Variants in DNAJC3 observed in about 807,000 individuals in gnomAD.
DNAJC3 encodes the protein DnaJ heat shock protein family (Hsp40) member C3.
In DNAJC3, 38 loss-of-function variants were observed where a neutral mutation model predicts 68.6. The observed-to-expected ratio is 0.55, with a 90% CI of 0.43 to 0.73. The LOEUF (loss-of-function observed/expected upper bound fraction) is 0.73, where lower values mean the gene tolerates loss of function less well. DNAJC3 is among the 30% of genes least tolerant of loss of function. The pLI, the probability that DNAJC3 is intolerant of heterozygous loss-of-function variation, is 0.00. For synonymous variants in DNAJC3, 203 were observed against 204.0 expected, an observed-to-expected ratio of 1.00 and a Z score of 0.04; for missense variants, 526 against 591.9, an observed-to-expected ratio of 0.89 and a Z score of 1.16.
chr13:95,728,987 G>A (rs1199467234), intron 4 of DNAJC3, among the ~76,000 whole-genome samples: 1 of 151,314 alleles, frequency 6.6e-6, no homozygotes, highest in Non-Finnish European at 1.5e-5. Flanking sequence ...TATCATGTCT[G>A]TCATCCTACT....
At chr13:95,735,010 C>T (rs1881857403) in intron 4 of DNAJC3, among the ~76,000 whole-genome samples, 2 of 145,702 alleles carry the variant, frequency 1.4e-5, no homozygotes, top group Admixed American at 6.9e-5. Context: ...GTGATATTCC[C>T]CTTTCTGTGT....
intron 1 of DNAJC3, among the ~76,000 whole-genome samples, chr13:95,702,070 G>T (rs767340736): frequency 6.6e-6 from 1 of 151,964 alleles, no homozygotes; most frequent in African/African-American, 2.4e-5. Flanking sequence ...AGTATACATG[G>T]CCCTAAATAC....
At chr13:95,725,086 A>C in intron 3 of DNAJC3, 92 bp from the exon 4 acceptor site, 3 of 783,098 alleles carry the variant, frequency 3.8e-6, no homozygotes, top group Non-Finnish European at 5.5e-6. Context: ...ATATTTATTA[A>C]TAATTTGTTT....
In DNAJC3 at chr13:95,690,634, C is replaced by T. The variant is rs1430557191; in HGVS notation, c.82+13297C>T. 2.7e-3 allele frequency among the ~76,000 whole-genome samples: 400 copies of T among 145,846 alleles called. 4 individuals are homozygous for T. The highest frequency in any genetic ancestry group is 0.01 in the African/African-American group (380 of 37,294). ...GGGGGGCTGACCCCCCCACCTCCCTCCCGGACGGGGCGGCTGGCCGGGCGG... is the reference window on the plus strand; with the variant it reads ...GGGGGGCTGACCCCCCCACCTCCCTTCCGGACGGGGCGGCTGGCCGGGCGG... On this transcript the variant is annotated intron_variant, in intron 1 of 11. Transcript: ENST00000602402.
At chr13:95,753,332 C>CT (rs1296055586) in intron 4 of DNAJC3, among the ~76,000 whole-genome samples, 6 of 151,490 alleles carry the variant, frequency 4.0e-5, no homozygotes, top group Admixed American at 6.6e-5. Context: ...TTTTCTTTTT[C>CT]TTTTTTTTGG....
chr13:95,789,286 T>A (rs1482176157), intron 11 of DNAJC3, among the ~76,000 whole-genome samples: 3 of 152,166 alleles, frequency 2.0e-5, no homozygotes, highest in Admixed American at 6.5e-5. Flanking sequence ...TTAGTTATTA[T>A]TCCTGATCCT....
intron 4 of DNAJC3, among the ~76,000 whole-genome samples, chr13:95,755,314 A>G (rs1275154924): frequency 6.6e-6 from 1 of 152,066 alleles, no homozygotes; most frequent in African/African-American, 2.4e-5. Context: ...AGCTGGCTGT[A>G]GTGGCATGCA....
intron 4 of DNAJC3, among the ~76,000 whole-genome samples, chr13:95,732,978 T>G (rs190955778): frequency 2.0e-5 from 3 of 152,196 alleles, no homozygotes; most frequent in Non-Finnish European, 4.4e-5. Context: ...TCTAGTTTTA[T>G]TCCAATGTGG....
chr13:95,719,532 A>G (rs1360690165), intron 2 of DNAJC3, among the ~76,000 whole-genome samples: 3 of 152,016 alleles, frequency 2.0e-5, no homozygotes, highest in Non-Finnish European at 4.4e-5. Context: ...CCATCCTGAA[A>G]CTATCTAGTG....
chr13:95,685,547 A>C (rs1002218588), intron 1 of DNAJC3, among the ~76,000 whole-genome samples: 6 of 152,148 alleles, frequency 3.9e-5, no homozygotes, highest in African/African-American at 1.4e-4. Flanking sequence ...TTGAGAAGGG[A>C]TGATTGTATT....
At chr13:95,722,320 A>C (rs1473275205) in intron 2 of DNAJC3, among the ~76,000 whole-genome samples, 1 of 152,058 alleles carries the variant, frequency 6.6e-6, no homozygotes, top group Admixed American at 6.5e-5. Flanking sequence ...TTCTAGTTGG[A>C]GTTTGTGAGG....
At chr13:95,729,181 TTC>T (rs34173455) in intron 4 of DNAJC3, among the ~76,000 whole-genome samples, 44,017 of 134,222 alleles carry the variant, frequency 0.33, 7,614 homozygotes, top group Middle Eastern at 0.4. Context: ...CATTCACTCA[TTC>T]TCTCTCTCTC....
chr13:95,719,306 T>C (rs1199622815), intron 2 of DNAJC3, among the ~76,000 whole-genome samples: 1 of 152,176 alleles, frequency 6.6e-6, no homozygotes, highest in Non-Finnish European at 1.5e-5. Flanking sequence ...TCCTTTTAGG[T>C]TTTTGTGTAC....
At chr13:95,726,649 A>G (rs2139644756) in intron 4 of DNAJC3, among the ~76,000 whole-genome samples, 1 of 152,298 alleles carries the variant, frequency 6.6e-6, no homozygotes, top group East Asian at 1.9e-4. Flanking sequence ...GGTATATACT[A>G]AAAAATGATT....
chr13:95,763,857 A>G lies in DNAJC3; in HGVS notation c.979A>G (p.Arg327Gly). 1 of 1,614,084 alleles carries G rather than the reference A, an allele frequency of 6.2e-7. No homozygotes were observed. Among genetic ancestry groups the G allele is most frequent in the African/African-American group, 1.3e-5 (1 of 75,054 alleles). ...SKDEKPVEAI[R>G]VCSEVLQMEP... is the part of the protein sequence containing the mutation. Reference sequence around the variant, plus strand: ...GGACGAGAAGCCTGTTGAAGCTATTAGGGTTTGTTCTGAAGTTTTACAGAT... The same window carrying G: ...GGACGAGAAGCCTGTTGAAGCTATTGGGGTTTGTTCTGAAGTTTTACAGAT... Residue 327 changes from arginine (R) to glycine (G), a missense_variant, in exon 9 of 12, where the codon AGG (arginine) becomes GGG (glycine). Physicochemically the swap from Arg to Gly is moderately radical, Grantham distance 125. Transcript: ENST00000602402.
intron 2 of DNAJC3, among the ~76,000 whole-genome samples, chr13:95,712,759 A>T (rs987000540): frequency 2.6e-5 from 4 of 152,056 alleles, no homozygotes; most frequent in Non-Finnish European, 5.9e-5. Flanking sequence ...GTTGGTGTTG[A>T]TTCTTTAGGA....
chr13:95,695,332 A>T (rs1174882722), intron 1 of DNAJC3: 2 of 152,188 alleles, frequency 1.3e-5, no homozygotes, highest in Non-Finnish European at 2.9e-5. Flanking sequence ...CAATCCAGAC[A>T]ATTACACTTT....
intron 7 of DNAJC3, among the ~76,000 whole-genome samples, chr13:95,761,099 T>C (rs536311444): frequency 6.6e-6 from 1 of 152,352 alleles, no homozygotes; most frequent in South Asian, 2.1e-4. Flanking sequence ...CAATAGTTTT[T>C]GTTCTTAAGA....
intron 1 of DNAJC3, chr13:95,692,831 T>C (rs2139607503): frequency 6.6e-6 from 1 of 151,030 alleles, no homozygotes; most frequent in Non-Finnish European, 1.5e-5. Flanking sequence ...GCCTTTTTTT[T>C]TTTTTTTGAG....
Sources: gnomAD v4.1 joint callset for allele counts (sites outside exome capture counted in the v4.1 genomes callset) on GRCh38, gnomAD v4.1.1 for gene constraint, MANE v1.5 for transcripts, NCBI Gene and HGNC (gene_info 2026-07-23, HGNC 2026-07-21) for gene names.